The following RGS7 variants were observed in gnomAD, a reference collection of about 807,000 sequenced individuals.
RGS7 encodes regulator of G-protein signaling 7.
Under a neutral mutation model 81.1 loss-of-function variants are expected in RGS7, and 27 were observed. The ratio of observed to expected loss-of-function variants is 0.33; its 90% CI spans 0.25 to 0.46. RGS7 has a LOEUF of 0.46. Ranked by LOEUF, RGS7 falls within the 20% of genes least tolerant of loss-of-function variation. The pLI is 1.00. For missense variants in RGS7, 396 were observed against 607.4 expected, an observed-to-expected ratio of 0.65 and a Z score of 3.66; for synonymous variants, 208 against 207.7, an observed-to-expected ratio of 1.00 and a Z score of -0.01.
At chr1:240,969,271 C>T (rs1252525402) in intron 4 of RGS7, among the ~76,000 whole-genome samples, 2 of 152,118 alleles carry the variant, frequency 1.3e-5, no homozygotes, top group Non-Finnish European at 2.9e-5. Flanking sequence ...AAAAGGAACA[C>T]ATATATGCAG....
chr1:241,295,896 C>T (rs1233747303), intron 2 of RGS7, among the ~76,000 whole-genome samples: 2 of 152,086 alleles, frequency 1.3e-5, no homozygotes, highest in Admixed American at 6.5e-5. Context: ...GGGTATAAAC[C>T]GCCTGGGAGA....
intron 2 of RGS7, among the ~76,000 whole-genome samples, chr1:241,197,937 TTATC>T (rs56214817): frequency 0.81 from 122,457 of 150,338 alleles, 50,072 homozygotes; most frequent in East Asian, 0.87. Context: ...AAATTAAACA[TTATC>T]TATCTATCTA....
chr1:241,083,288 C>CA (rs1288877400), intron 3 of RGS7, among the ~76,000 whole-genome samples: 22 of 143,112 alleles, frequency 1.5e-4, no homozygotes, highest in South Asian at 1.1e-3. Context: ...CAAAACAAGA[C>CA]AAAAAAAAAG....
chr1:241,106,868 T>G (rs1245115738), intron 2 of RGS7, among the ~76,000 whole-genome samples: 4 of 150,156 alleles, frequency 2.7e-5, no homozygotes, highest in South Asian at 2.1e-4. Flanking sequence ...AAAGTAGAGG[T>G]TTTTTTTCTA....
At position 241,143,939 on chromosome 1, in the gene RGS7, A is replaced by T. The variant is rs181622380; in HGVS notation, c.79-45177T>A. 1.8e-4 allele frequency among the ~76,000 whole-genome samples: 28 copies of T among 152,284 alleles called. 1 individual carries two copies. The highest frequency in any genetic ancestry group is 6.5e-4 in the African/African-American group (27 of 41,560). ...AGCGAGAAGGAACCATCTGTGAACC[A>T]GAGAATGAAACCTCACTGGTGACTA... On this transcript the variant is annotated intron_variant, in intron 2 of 18. Coordinates refer to ENST00000440928, the MANE Select transcript of RGS7 (RefSeq NM_001364886.1).
chr1:241,079,395 T>G (rs1202692871), intron 3 of RGS7, among the ~76,000 whole-genome samples: 1 of 152,130 alleles, frequency 6.6e-6, no homozygotes, highest in Non-Finnish European at 1.5e-5. Context: ...AAGCCGTTAT[T>G]AAGGATCATA....
At chr1:240,854,425 T>A (rs1430213563) in intron 9 of RGS7, among the ~76,000 whole-genome samples, 1 of 152,222 alleles carries the variant, frequency 6.6e-6, no homozygotes, top group Non-Finnish European at 1.5e-5. Flanking sequence ...TTGGCTGGAA[T>A]ATGATGCTCT....
chr1:241,238,981 T>A (rs1164793557), intron 2 of RGS7, among the ~76,000 whole-genome samples: 1 of 149,270 alleles, frequency 6.7e-6, no homozygotes, highest in African/African-American at 2.5e-5. Context: ...TTTTTTTTTT[T>A]TTTTTGAGAT....
intron 9 of RGS7, among the ~76,000 whole-genome samples, chr1:240,855,551 C>A (rs1247434546): frequency 2.6e-5 from 4 of 151,446 alleles, no homozygotes; most frequent in Non-Finnish European, 5.9e-5. Flanking sequence ...TTTCACATTT[C>A]AGCATAGTTT....
intron 2 of RGS7, among the ~76,000 whole-genome samples, chr1:241,245,301 G>C (rs1460185865): frequency 6.6e-6 from 1 of 151,958 alleles, no homozygotes; most frequent in Non-Finnish European, 1.5e-5. Flanking sequence ...TTATGACAGA[G>C]TTCTCAAGAG....
intron 15 of RGS7, 53 bp from the exon 16 acceptor site, chr1:240,803,046 A>G: frequency 2.4e-6 from 3 of 1,231,920 alleles, no homozygotes; most frequent in South Asian, 2.4e-5. Context: ...GGGAAAAGTA[A>G]AATATCATGA....
chr1:240,792,189 A>G (rs1257589581), intron 18 of RGS7, among the ~76,000 whole-genome samples: 1 of 152,234 alleles, frequency 6.6e-6, no homozygotes. Context: ...AGACAGTGTG[A>G]CATTTATTTT....
intron 3 of RGS7, among the ~76,000 whole-genome samples, chr1:241,074,518 C>T (rs12083010): frequency 0.01 from 1,551 of 152,302 alleles, 23 homozygotes; most frequent in African/African-American, 0.035. Flanking sequence ...GGTATTCAAA[C>T]GCAATTGTTA....
At chr1:240,972,120 T>C (rs79374234) in intron 4 of RGS7, among the ~76,000 whole-genome samples, 6,051 of 152,308 alleles carry the variant, frequency 0.04, 153 homozygotes, top group South Asian at 0.099. Context: ...TACATTACTT[T>C]ATTCCAAAAG....
At chr1:241,323,005 C>T (rs1285074041) in intron 2 of RGS7, among the ~76,000 whole-genome samples, 9 of 152,092 alleles carry the variant, frequency 5.9e-5, no homozygotes, top group Non-Finnish European at 1.3e-4. Context: ...TTTCTAAATT[C>T]TACTAACAGT....
At chr1:241,169,220 A>G (rs2070521628) in intron 2 of RGS7, among the ~76,000 whole-genome samples, 1 of 152,092 alleles carries the variant, frequency 6.6e-6, no homozygotes, top group South Asian at 2.1e-4. Flanking sequence ...AGAAAATGAT[A>G]TACATGTATC....
chr1:240,919,750 T>C, intron 6 of RGS7: 1 of 647,810 alleles, frequency 1.5e-6, no homozygotes. Flanking sequence ...AGGGGCCATT[T>C]TCAGCAATGG....
chr1:241,272,128 G>T (rs1420757976), intron 2 of RGS7, among the ~76,000 whole-genome samples: 1 of 151,866 alleles, frequency 6.6e-6, no homozygotes, highest in African/African-American at 2.4e-5. Flanking sequence ...CAAGTAGCTG[G>T]GACTACAGGC....
At chr1:240,878,735 C>T (rs1665893411) in intron 6 of RGS7, among the ~76,000 whole-genome samples, 1 of 152,074 alleles carries the variant, frequency 6.6e-6, no homozygotes, top group African/African-American at 2.4e-5. Flanking sequence ...CACACACACA[C>T]ACAGAGGATC....
Sources: gnomAD v4.1 joint callset for allele counts (sites outside exome capture counted in the v4.1 genomes callset) on GRCh38, gnomAD v4.1.1 for gene constraint, MANE v1.5 for transcripts, NCBI Gene and HGNC (gene_info 2026-07-23, HGNC 2026-07-21) for gene names.